The following BMAL1 variants were observed in gnomAD, a reference collection of about 807,000 sequenced individuals.
The protein encoded by BMAL1 is basic helix-loop-helix ARNT-like protein 1.
the BMAL1 span, among the ~76,000 whole-genome samples, chr11:13,313,075 C>T: frequency 7.9e-5 from 12 of 152,314 alleles, 2 homozygotes; most frequent in African/African-American, 2.9e-4. Context: ...TTGTCAGCTG[C>T]GCTGTCAGCA....
At chr11:13,350,744 T>TA in the BMAL1 span, among the ~76,000 whole-genome samples, 10 of 152,148 alleles carry the variant, frequency 6.6e-5, no homozygotes, top group East Asian at 1.9e-4. Flanking sequence ...AGCATTAAAT[T>TA]AAAAAAATCA....
chr11:13,366,589 T>C, the BMAL1 span: 1 of 1,278,062 alleles, frequency 7.8e-7, no homozygotes, highest in Non-Finnish European at 1.1e-6. Flanking sequence ...ACATGCAGAC[T>C]GTGCATGCTT....
chr11:13,386,757 A>G, the BMAL1 span: 1 of 1,613,614 alleles, frequency 6.2e-7, no homozygotes, highest in Non-Finnish European at 8.5e-7. Context: ...GCCGCTGTAA[A>G]CACTACATGT....
chr11:13,279,025 G>A, the BMAL1 span, among the ~76,000 whole-genome samples: 1 of 152,158 alleles, frequency 6.6e-6, no homozygotes, highest in Non-Finnish European at 1.5e-5. Context: ...ACCGGCGCCT[G>A]CTGTCAAGTT....
the BMAL1 span, among the ~76,000 whole-genome samples, chr11:13,282,975 C>T: frequency 5.9e-5 from 9 of 152,054 alleles, no homozygotes; most frequent in African/African-American, 9.7e-5. Flanking sequence ...TGGACATGGC[C>T]GTAAGTACTT....
the BMAL1 span, among the ~76,000 whole-genome samples, chr11:13,317,877 AC>A: frequency 6.6e-6 from 1 of 151,978 alleles, no homozygotes; most frequent in Non-Finnish European, 1.5e-5. Flanking sequence ...AAAACTGTCT[AC>A]CCCCTGGCTG....
chr11:13,287,842 G>A, the BMAL1 span, among the ~76,000 whole-genome samples: 1 of 152,202 alleles, frequency 6.6e-6, no homozygotes, highest in African/African-American at 2.4e-5. Flanking sequence ...TTTAGGCATA[G>A]TACTACACAT....
chr11:13,345,962 T>C, the BMAL1 span, among the ~76,000 whole-genome samples: 6 of 152,152 alleles, frequency 3.9e-5, no homozygotes, highest in Non-Finnish European at 8.8e-5. Flanking sequence ...ACGGAGGGGT[T>C]TCCTGGGATG....
At chr11:13,358,572 G>A in the BMAL1 span, 7 of 1,603,272 alleles carry the variant, frequency 4.4e-6, no homozygotes, top group African/African-American at 9.4e-5. Flanking sequence ...TGGCTGTTCA[G>A]CACATGAAAA....
the BMAL1 span, among the ~76,000 whole-genome samples, chr11:13,279,805 G>A: frequency 6.6e-6 from 1 of 152,178 alleles, no homozygotes; most frequent in African/African-American, 2.4e-5. Context: ...GAAGCATTTT[G>A]GTTTTGATTG....
At chr11:13,340,876 T>C in the BMAL1 span, among the ~76,000 whole-genome samples, 1 of 152,176 alleles carries the variant, frequency 6.6e-6, no homozygotes, top group Non-Finnish European at 1.5e-5. Flanking sequence ...GGTGTTTTCT[T>C]CTATTCAACT....
chr11:13,338,991 G>A, the BMAL1 span, among the ~76,000 whole-genome samples: 5 of 152,214 alleles, frequency 3.3e-5, no homozygotes, highest in Non-Finnish European at 7.3e-5. Context: ...CACTGAACAT[G>A]TCCCAAACCA....
the BMAL1 span, among the ~76,000 whole-genome samples, chr11:13,308,497 A>G: frequency 2.0e-5 from 3 of 152,182 alleles, no homozygotes; most frequent in Admixed American, 6.5e-5. Context: ...ACACGCTGAC[A>G]TAAGAGGTGG....
chr11:13,298,901 G>T, the BMAL1 span, among the ~76,000 whole-genome samples: 1 of 152,210 alleles, frequency 6.6e-6, no homozygotes, highest in Non-Finnish European at 1.5e-5. Context: ...GCAGTAGTGG[G>T]CTTATCTCAC....
chr11:13,361,798 G>A, the BMAL1 span, among the ~76,000 whole-genome samples: 2 of 152,298 alleles, frequency 1.3e-5, no homozygotes, highest in African/African-American at 4.8e-5. Context: ...AAGCTAGCAT[G>A]CTAGCTTGTT....
the BMAL1 span, among the ~76,000 whole-genome samples, chr11:13,330,780 C>T: frequency 1.3e-5 from 2 of 152,238 alleles, no homozygotes; most frequent in African/African-American, 4.8e-5. Context: ...TAAATAGCCA[C>T]TTTAGAGTTT....
At chr11:13,383,722 G>T in the BMAL1 span, among the ~76,000 whole-genome samples, 1 of 152,054 alleles carries the variant, frequency 6.6e-6, no homozygotes, top group Non-Finnish European at 1.5e-5. Context: ...GTGTGGTGGT[G>T]TACCTGTAAT....
the BMAL1 span, among the ~76,000 whole-genome samples, chr11:13,330,506 C>T: frequency 6.6e-6 from 1 of 152,206 alleles, no homozygotes; most frequent in Non-Finnish European, 1.5e-5. Flanking sequence ...TATGGGGTTG[C>T]CAGCATCGGC....
chr11:13,352,543 T>G, the BMAL1 span, among the ~76,000 whole-genome samples: 2 of 152,224 alleles, frequency 1.3e-5, no homozygotes, highest in African/African-American at 2.4e-5. Flanking sequence ...GGGATAGAAA[T>G]TATTGTCGCT....
Sources: allele counts gnomAD v4.1 joint callset (sites outside exome capture counted in the v4.1 genomes callset), GRCh38; gene constraint gnomAD v4.1.1; transcripts MANE v1.5; gene names NCBI Gene and HGNC (gene_info 2026-07-23, HGNC 2026-07-21).